IL18RAP: variants seen among roughly 807,000 people sequenced by gnomAD.
The protein encoded by IL18RAP is interleukin-18 receptor accessory protein.
In IL18RAP, 37 loss-of-function variants were observed where a neutral mutation model predicts 58.1. The ratio of observed to expected loss-of-function variants is 0.64; its 90% CI spans 0.49 to 0.84. IL18RAP has a LOEUF of 0.84. Among genes scored for constraint, IL18RAP ranks in the 40% least tolerant of loss-of-function variants. The pLI, the probability that IL18RAP is intolerant of heterozygous loss-of-function variation, is 0.00. For synonymous variants in IL18RAP, 268 were observed against 257.5 expected (o/e 1.04, Z -0.39); for missense variants, 667 against 704.8 (o/e 0.95, Z 0.61).
chr2:102,422,311 C>A (rs1681624974), upstream of IL18RAP, among the ~76,000 whole-genome samples: 1 of 152,228 alleles, frequency 6.6e-6, no homozygotes, highest in Admixed American at 6.5e-5. Flanking sequence ...CTGCTCCTTG[C>A]ATTCCTTTTA....
chr2:102,427,266 C>T (rs1360012320), intron 3 of IL18RAP, among the ~76,000 whole-genome samples: 2 of 152,082 alleles, frequency 1.3e-5, no homozygotes, highest in Admixed American at 1.3e-4. Context: ...TGGATATGTA[C>T]CCAAAAGTGG....
At chr2:102,420,414 T>C (rs1012199867), upstream of IL18RAP, among the ~76,000 whole-genome samples, 4 of 152,198 alleles carry the variant, frequency 2.6e-5, no homozygotes, top group Admixed American at 2.6e-4. Flanking sequence ...ATAATCAAGA[T>C]GATTTGAGAA....
chr2:102,446,732 C>T (rs1184904754), intron 7 of IL18RAP, among the ~76,000 whole-genome samples: 2 of 147,398 alleles, frequency 1.4e-5, no homozygotes, highest in Admixed American at 6.9e-5. Context: ...ACCCGGGAGG[C>T]GGAGCTTGCA....
chr2:102,450,285 C>T (rs1272421073), intron 8 of IL18RAP, among the ~76,000 whole-genome samples: 2 of 3,948 alleles, frequency 5.1e-4, no homozygotes, highest in Admixed American at 5.4e-3. Flanking sequence ...TCTTGCACCT[C>T]CTATGAGCCA....
chr2:102,422,398 C>T (rs898654181), upstream of IL18RAP, among the ~76,000 whole-genome samples: 1 of 152,182 alleles, frequency 6.6e-6, no homozygotes, highest in African/African-American at 2.4e-5. Flanking sequence ...TTCATCTGCC[C>T]TCCCTTATGG....
chr2:102,450,334 T>G (rs933989895), intron 8 of IL18RAP, among the ~76,000 whole-genome samples: 1 of 144,258 alleles, frequency 6.9e-6, no homozygotes, highest in Non-Finnish European at 1.5e-5. Context: ...CATGAAACCC[T>G]TAAAACAGCC....
At chr2:102,434,274 T>C (rs1682587999) in intron 3 of IL18RAP, 1 of 152,224 alleles carries the variant, frequency 6.6e-6, no homozygotes, top group Non-Finnish European at 1.5e-5. Flanking sequence ...CCTCATTATA[T>C]GGTTGATTTA....
In IL18RAP at chr2:102,445,170, A is replaced by G. The variant is rs371963308; in HGVS notation, c.921-19A>G. The G allele has an allele frequency of 1.9e-6, 3 of 1,610,746 alleles. No individual in the cohort carries two copies. The highest frequency in any genetic ancestry group is 1.3e-5 in the African/African-American group (1 of 74,858). On this transcript the variant is annotated intron_variant, in intron 6 of 9. Coordinates refer to ENST00000687160, the MANE Select transcript of IL18RAP (RefSeq NM_001393487.1). The stretch of plus-strand genomic sequence containing the variant: ...AATGTATGTTACTGAATGGAGTGGT[A>G]TTTTTTCTCCTTTCTCAGTATTAAA...
chr2:102,436,204 T>C (rs1558640480), intron 3 of IL18RAP, among the ~76,000 whole-genome samples: 1 of 152,200 alleles, frequency 6.6e-6, no homozygotes. Context: ...CCCCTTGGCT[T>C]AGGTGAGGTC....
At chr2:102,451,114 A>T in intron 9 of IL18RAP, 93 bp downstream of exon 9, 1 of 996,828 alleles carries the variant, frequency 1.0e-6, no homozygotes, top group East Asian at 2.5e-5. Flanking sequence ...TTTGGAATAT[A>T]GATCTGGGAG....
At chr2:102,448,419 G>A (rs937689465) in intron 8 of IL18RAP, among the ~76,000 whole-genome samples, 6 of 152,306 alleles carry the variant, frequency 3.9e-5, no homozygotes, top group East Asian at 1.9e-4. Flanking sequence ...CATGTTCATT[G>A]ATGTTTGCTT....
In IL18RAP at chr2:102,424,247, G is replaced by C. The variant is rs371252714; in HGVS notation, c.412G>C (p.Ala138Pro). ...PKMIKSPYDV[A>P]CCVKMILEVK... Reference sequence around the variant, plus strand: ...ATTTCCTAGGAGCCCCTATGATGTAGCCTGTTGTGTCAAGATGATTTTAGA... The same window carrying C: ...ATTTCCTAGGAGCCCCTATGATGTACCCTGTTGTGTCAAGATGATTTTAGA... Residue 138 changes from alanine to proline, a missense_variant, in exon 3 of 10, where the codon GCC becomes CCC. Transcript: ENST00000687160. 435 of 1,614,032 alleles carry C rather than the reference G, an allele frequency of 2.7e-4. 4 individuals carry two copies. The Middle Eastern group carries it at 3.0e-3, about 11-fold the overall frequency.
At chr2:102,427,656 A>G (rs964295112) in intron 3 of IL18RAP, among the ~76,000 whole-genome samples, 1 of 151,808 alleles carries the variant, frequency 6.6e-6, no homozygotes, top group Non-Finnish European at 1.5e-5. Flanking sequence ...TATTTTCCCC[A>G]TTTGGTGGGT....
chr2:102,447,223 C>A lies in IL18RAP; in HGVS notation c.1210+16C>A. On this transcript the variant is annotated intron_variant, in intron 8 of 9. Transcript: ENST00000687160. ...ACGCTTGGGGGTAAGTTTACCTCCACATGCAGCCCTCTGACTTTTCCTCTG... is the reference window on the plus strand; with the variant it reads ...ACGCTTGGGGGTAAGTTTACCTCCAAATGCAGCCCTCTGACTTTTCCTCTG... The A allele has an allele frequency of 6.2e-7, 1 of 1,610,444 alleles. No homozygotes were observed. The highest frequency in any genetic ancestry group is 8.5e-7 in the Non-Finnish European group (1 of 1,178,004).
intron 7 of IL18RAP, among the ~76,000 whole-genome samples, chr2:102,446,081 G>T (rs1052410886): frequency 2.0e-5 from 3 of 152,158 alleles, no homozygotes; most frequent in Non-Finnish European, 4.4e-5. Flanking sequence ...GGGACTCCTG[G>T]TCTCAGGAAA....
At chr2:102,442,932 C>T (rs1445111934) in intron 5 of IL18RAP, among the ~76,000 whole-genome samples, 1 of 152,120 alleles carries the variant, frequency 6.6e-6, no homozygotes, top group African/African-American at 2.4e-5. Context: ...CATAAGGACC[C>T]TTAGTGATAT....
At chr2:102,432,433 C>A (rs926634343) in intron 3 of IL18RAP, 1 of 154,346 alleles carries the variant, frequency 6.5e-6, no homozygotes, top group African/African-American at 2.4e-5. Flanking sequence ...ACTAAAAGGG[C>A]ACCCAAATGC....
At chr2:102,428,549 G>C (rs935960356) in intron 3 of IL18RAP, among the ~76,000 whole-genome samples, 1 of 151,560 alleles carries the variant, frequency 6.6e-6, no homozygotes, top group Non-Finnish European at 1.5e-5. Flanking sequence ...ATTTTTATAC[G>C]TTGATTTTAC....
At chr2:102,438,093 T>C (rs954941715) in intron 4 of IL18RAP, among the ~76,000 whole-genome samples, 5 of 152,194 alleles carry the variant, frequency 3.3e-5, no homozygotes, top group Non-Finnish European at 7.4e-5. Context: ...CCCTGACTAA[T>C]ATGAGGTTGA....
Sources: allele counts gnomAD v4.1 joint callset (sites outside exome capture counted in the v4.1 genomes callset), GRCh38; gene constraint gnomAD v4.1.1; transcripts MANE v1.5; gene names NCBI Gene and HGNC (gene_info 2026-07-23, HGNC 2026-07-21).